SGCZ: variants seen among roughly 807,000 people sequenced by gnomAD.
SGCZ encodes zeta-sarcoglycan.
Under a neutral mutation model 41.3 loss-of-function variants are expected in SGCZ, and 40 were observed. That is an observed-to-expected ratio of 0.97 (90% confidence interval 0.75 to 1.26). The LOEUF is 1.26. Ranked by LOEUF, SGCZ falls within the 50% of genes most tolerant of loss-of-function variation. The pLI, the probability that SGCZ is intolerant of heterozygous loss-of-function variation, is 0.00. For synonymous variants in SGCZ, 206 were observed against 137.5 expected, an observed-to-expected ratio of 1.50 and a Z score of -3.49; for missense variants, 552 against 369.8, an observed-to-expected ratio of 1.49 and a Z score of -4.04.
intron 2 of SGCZ, among the ~76,000 whole-genome samples, chr8:14,549,421 G>A (rs1235908197): frequency 6.6e-6 from 1 of 151,924 alleles, no homozygotes; most frequent in African/African-American, 2.4e-5. Flanking sequence ...AATGGGAACG[G>A]ATCAGAATCT....
chr8:14,655,455 G>T (rs752879094), intron 1 of SGCZ, among the ~76,000 whole-genome samples: 3 of 151,992 alleles, frequency 2.0e-5, no homozygotes, highest in African/African-American at 4.8e-5. Flanking sequence ...TTGTTTTATG[G>T]GAATGACATT....
chr8:14,300,520 T>C (rs1292987563), intron 3 of SGCZ, among the ~76,000 whole-genome samples: 1 of 152,180 alleles, frequency 6.6e-6, no homozygotes, highest in African/African-American at 2.4e-5. Context: ...AGCCATCTAC[T>C]TTTTTATTTT....
chr8:14,855,939 A>G (rs1414219791), intron 1 of SGCZ, among the ~76,000 whole-genome samples: 2 of 152,136 alleles, frequency 1.3e-5, no homozygotes, highest in Admixed American at 6.6e-5. Flanking sequence ...GCCGATCCGA[A>G]TTTTGCAAGA....
At chr8:15,069,442 G>A (rs1008689127) in intron 1 of SGCZ, among the ~76,000 whole-genome samples, 1 of 152,190 alleles carries the variant, frequency 6.6e-6, no homozygotes, top group East Asian at 1.9e-4. Context: ...TATTTTCCAA[G>A]TGAGTATACC....
chr8:14,296,256 T>C (rs1194123609), intron 3 of SGCZ, among the ~76,000 whole-genome samples: 1 of 152,094 alleles, frequency 6.6e-6, no homozygotes, highest in East Asian at 1.9e-4. Flanking sequence ...CACAGTACTC[T>C]GAATGTATGG....
At chr8:14,978,268 G>A (rs1031863481) in intron 1 of SGCZ, among the ~76,000 whole-genome samples, 1 of 151,532 alleles carries the variant, frequency 6.6e-6, no homozygotes. Context: ...AGGAGTTCAA[G>A]ACCAGCCTGG....
intron 1 of SGCZ, among the ~76,000 whole-genome samples, chr8:15,232,886 G>A (rs940644103): frequency 1.2e-4 from 18 of 151,076 alleles, no homozygotes; most frequent in Non-Finnish European, 2.7e-4. Flanking sequence ...GATTAATATA[G>A]TAATTAGCTT....
chr8:14,257,752 G>T (rs901812658), intron 3 of SGCZ, among the ~76,000 whole-genome samples: 2 of 151,748 alleles, frequency 1.3e-5, no homozygotes, highest in African/African-American at 2.4e-5. Context: ...TTGTCCTTGC[G>T]ATAGTTTGCT....
At chr8:14,580,187 G>C (rs971584719) in intron 1 of SGCZ, among the ~76,000 whole-genome samples, 23 of 152,148 alleles carry the variant, frequency 1.5e-4, no homozygotes, top group African/African-American at 5.3e-4. Context: ...CAGCCTAAGA[G>C]TAAAATGGGT....
chr8:14,251,880 T>C (rs55755261), intron 3 of SGCZ, among the ~76,000 whole-genome samples: 3 of 151,836 alleles, frequency 2.0e-5, no homozygotes, highest in Non-Finnish European at 4.4e-5. Context: ...CACCTAATTT[T>C]TGTACTTTTA....
chr8:14,996,929 G>A (rs963115230), intron 1 of SGCZ, among the ~76,000 whole-genome samples: 2 of 152,166 alleles, frequency 1.3e-5, no homozygotes, highest in Non-Finnish European at 2.9e-5. Flanking sequence ...CTAGTTATTC[G>A]TGGGTTAATA....
At chr8:14,596,749 G>C (rs1374136088) in intron 1 of SGCZ, among the ~76,000 whole-genome samples, 2 of 152,008 alleles carry the variant, frequency 1.3e-5, no homozygotes, top group Non-Finnish European at 2.9e-5. Flanking sequence ...ATGATGCGTT[G>C]ACAGGTGCAG....
chr8:14,465,782 C>G (rs1171882766), intron 2 of SGCZ, among the ~76,000 whole-genome samples: 1 of 151,606 alleles, frequency 6.6e-6, no homozygotes, highest in Non-Finnish European at 1.5e-5. Flanking sequence ...CTTTTGATGC[C>G]TCTGTCTCCA....
intron 1 of SGCZ, among the ~76,000 whole-genome samples, chr8:14,897,796 T>C (rs1458024842): frequency 6.6e-6 from 1 of 152,194 alleles, no homozygotes; most frequent in African/African-American, 2.4e-5. Flanking sequence ...AAATATCTGA[T>C]TCACAAACAT....
chr8:14,449,040 C>T (rs1374915949), intron 2 of SGCZ, among the ~76,000 whole-genome samples: 3 of 152,250 alleles, frequency 2.0e-5, no homozygotes, highest in East Asian at 1.9e-4. Context: ...AGTGAAAGGA[C>T]TTATGCTCTG....
chr8:14,631,652 C>T (rs936618079), intron 1 of SGCZ, among the ~76,000 whole-genome samples: 14 of 152,080 alleles, frequency 9.2e-5, no homozygotes, highest in Admixed American at 7.9e-4. Flanking sequence ...GATACTATTA[C>T]AGAATACTGA....
intron 1 of SGCZ, among the ~76,000 whole-genome samples, chr8:14,642,328 C>T (rs1807053162): frequency 6.6e-6 from 1 of 151,580 alleles, no homozygotes; most frequent in Non-Finnish European, 1.5e-5. Flanking sequence ...TATATAAGAA[C>T]TATACCATCT....
chr8:14,178,541 T>C (rs1192173112), intron 4 of SGCZ, among the ~76,000 whole-genome samples: 2 of 152,326 alleles, frequency 1.3e-5, no homozygotes, highest in Admixed American at 6.5e-5. Flanking sequence ...ATAAAGGCTA[T>C]TGGATGTTTG....
chr8:14,737,705 T>C (rs1002844013), intron 1 of SGCZ, among the ~76,000 whole-genome samples: 1 of 152,096 alleles, frequency 6.6e-6, no homozygotes, highest in African/African-American at 2.4e-5. Flanking sequence ...TCTCCATAAC[T>C]GTGTCTTATT....
Sources: gnomAD v4.1 joint callset for allele counts (sites outside exome capture counted in the v4.1 genomes callset) on GRCh38, gnomAD v4.1.1 for gene constraint, MANE v1.5 for transcripts, NCBI Gene and HGNC (gene_info 2026-07-23, HGNC 2026-07-21) for gene names.